SHC4: variants seen among roughly 807,000 people sequenced by gnomAD.
SHC4 encodes the protein SHC adaptor protein 4.
A neutral mutation model predicts 69.4 loss-of-function variants in SHC4; 41 were observed. The ratio of observed to expected loss-of-function variants is 0.59; its 90% confidence interval spans 0.46 to 0.77. The LOEUF is 0.77. Among genes scored for constraint, SHC4 ranks in the 30% least tolerant of loss-of-function variants. The pLI, the probability that SHC4 is intolerant of heterozygous loss-of-function variation, is 0.00. For synonymous variants in SHC4, 318 were observed against 299.3 expected (o/e 1.06, Z -0.64); for missense variants, 777 against 783.8 (o/e 0.99, Z 0.10).
chr15:48,824,986 T>C lies in SHC4; in HGVS notation c.*985A>G, dbSNP rs944857482. On this transcript the variant is annotated 3_prime_UTR_variant, in exon 12 of 12. Transcript: ENST00000332408. ...ATCTATACGAGGTGCTAAGGATATA[T>C]GTAGGTGAGAAACTATGATTCAGTG... The C allele has an allele frequency of 6.6e-6, 1 of 152,560 alleles. No individual in the cohort carries two copies. Among genetic ancestry groups the C allele is most frequent in the African/African-American group, 2.4e-5 (1 of 41,436 alleles). 9.5% of individuals were successfully genotyped at this position (152,560 alleles called of 1,614,324 possible).
chr15:48,825,146 G>GGTTTTTTTT lies in SHC4; in HGVS notation c.*816_*824dup, dbSNP rs745759510. 2 of 151,172 alleles carry GGTTTTTTTT rather than the reference G, an allele frequency of 1.3e-5. No individual in the cohort carries two copies. Among genetic ancestry groups the GGTTTTTTTT allele is most frequent in the African/African-American group, 4.9e-5 (2 of 40,918 alleles). 9.4% of individuals were successfully genotyped at this position (151,172 alleles called of 1,614,324 possible). The stretch of plus-strand genomic sequence containing the variant: ...CTCTTTTAAATCCATGCACTCATGA[G>GGTTTTTTTT]GTTTTTTTTGTTTTTTTTGTTTTTT... On this transcript the variant is annotated 3_prime_UTR_variant, in exon 12 of 12. Coordinates refer to ENST00000332408, the MANE Select transcript of SHC4 (RefSeq NM_203349.4).
rs1301791421 is a variant in SHC4, at chr15:48,889,981, T to C, written c.720+767A>G. Among the ~76,000 whole-genome samples, 4 of 152,284 alleles carry C rather than the reference T, an allele frequency of 2.6e-5. No homozygotes were observed. In the East Asian group the frequency reaches 7.7e-4, roughly 29 times the overall value. ...AACCAACAAAATATTCTAGGGCTCA[T>C]AGCTTAATAGCAATAATACTAGCTA... On this transcript the variant is annotated intron_variant, in intron 3 of 11. Coordinates refer to ENST00000332408, the MANE Select transcript of SHC4 (RefSeq NM_203349.4).
intron 5 of SHC4, among the ~76,000 whole-genome samples, chr15:48,871,065 T>C (rs1371011775): frequency 4.6e-5 from 7 of 152,270 alleles, no homozygotes; most frequent in African/African-American, 1.4e-4. Flanking sequence ...TGACTCTACA[T>C]TTTATTCCTC....
chr15:48,923,076 A>G (rs35902371), intron 2 of SHC4, among the ~76,000 whole-genome samples: 20,709 of 152,226 alleles, frequency 0.14, 1,922 homozygotes, highest in Non-Finnish European at 0.2. Flanking sequence ...AGGATTATAT[A>G]ATATGTTTGA....
At position 48,916,570 on chromosome 15, in the gene SHC4, A is replaced by AC. The variant is rs1310999274; in HGVS notation, c.656+8308_656+8309insG. The stretch of plus-strand genomic sequence containing the variant: ...CTATAGCATCAGTTCAAAAAAAAAA[A>AC]AAAACACTACTCAGGGTTTCTTCCT... On this transcript the variant is annotated intron_variant, in intron 2 of 11. Coordinates refer to ENST00000332408, the MANE Select transcript of SHC4 (RefSeq NM_203349.4). Among the ~76,000 whole-genome samples, 28 of 151,692 alleles carry AC rather than the reference A, an allele frequency of 1.8e-4. 1 individual carries two copies. The highest frequency in any genetic ancestry group is 1.1e-3 in the Admixed American group (16 of 15,228).
intron 7 of SHC4, 26 bp from the exon 8 acceptor site, chr15:48,856,150 G>A (rs781748442): frequency 1.3e-5 from 21 of 1,596,316 alleles, no homozygotes; most frequent in Non-Finnish European, 1.8e-5. Context: ...GAATCCTCAA[G>A]AGGCTGGGCG....
intron 10 of SHC4, among the ~76,000 whole-genome samples, chr15:48,836,068 C>T (rs1042953086): frequency 6.7e-6 from 1 of 150,202 alleles, no homozygotes; most frequent in Non-Finnish European, 1.5e-5. Context: ...TGGCACGTGC[C>T]TGCAGTCCCA....
Position 48,876,197 on chromosome 15 carries a change from A to C in SHC4, c.841-4055T>G, listed in dbSNP as rs375007846. On this transcript the variant is annotated intron_variant, in intron 4 of 11. Coordinates refer to ENST00000332408, the MANE Select transcript of SHC4 (RefSeq NM_203349.4). ...CTCTGTCACTTCAGGGACGAACAACAACTGTGTTCAACTTGGCAGATAAGG... is the reference window on the plus strand; with the variant it reads ...CTCTGTCACTTCAGGGACGAACAACCACTGTGTTCAACTTGGCAGATAAGG... Among the ~76,000 whole-genome samples the C allele has an allele frequency of 4.5e-4, 69 of 152,296 alleles. No individual in the cohort carries two copies. The South Asian group carries it at 0.013, about 29-fold the overall frequency.
In SHC4 at chr15:48,848,298, T is replaced by C. The variant is rs1567051843; in HGVS notation, c.1303+2890A>G. On this transcript the variant is annotated intron_variant, in intron 9 of 11. Coordinates refer to ENST00000332408, the MANE Select transcript of SHC4 (RefSeq NM_203349.4). ...AGAAATGGCTTTTTTATGGAAACAA[T>C]GTTGTAATTCAGTGATTTACGGGGG... Among the ~76,000 whole-genome samples the C allele has an allele frequency of 2.6e-5, 4 of 152,236 alleles. No homozygotes were observed. In the East Asian group the frequency reaches 7.7e-4, roughly 29 times the overall value.
Position 48,933,450 on chromosome 15 carries a change from C to A in SHC4, c.586-8501G>T, listed in dbSNP as rs573007689. On this transcript the variant is annotated intron_variant, in intron 1 of 11. Transcript: ENST00000332408. ...AAGTGAAATAAATGGAAAAAACATC[C>A]CATGTTCATGGATCAGAAAACTTAA... is the stretch of plus-strand genomic sequence containing the variant. Among the ~76,000 whole-genome samples the A allele has an allele frequency of 2.9e-4, 44 of 152,048 alleles. No homozygotes were observed. In the South Asian group the frequency reaches 7.1e-3, roughly 24 times the overall value.
At chr15:48,935,406 G>A (rs1901048945) in intron 1 of SHC4, among the ~76,000 whole-genome samples, 1 of 152,102 alleles carries the variant, frequency 6.6e-6, no homozygotes, top group Admixed American at 6.6e-5. Flanking sequence ...TCAAGGGCAG[G>A]GAGTGAGTCT....
chr15:48,881,296 A>G (rs1215960232), intron 4 of SHC4, among the ~76,000 whole-genome samples: 1 of 150,456 alleles, frequency 6.6e-6, no homozygotes, highest in South Asian at 2.1e-4. Context: ...CCTTTTTATT[A>G]TTATTTTTTT....
chr15:48,916,943 G>A (rs148388336), intron 2 of SHC4, among the ~76,000 whole-genome samples: 6 of 152,318 alleles, frequency 3.9e-5, no homozygotes, highest in East Asian at 3.9e-4. Flanking sequence ...GGTGTGCTCC[G>A]CCCCTCGGGG....
chr15:48,887,587 T>G (rs1305258762), intron 3 of SHC4, among the ~76,000 whole-genome samples: 4 of 151,818 alleles, frequency 2.6e-5, no homozygotes, highest in Non-Finnish European at 5.9e-5. Flanking sequence ...AAACCTAACA[T>G]TGTAACTTAA....
At chr15:48,904,606 A>G (rs1343097344) in intron 2 of SHC4, among the ~76,000 whole-genome samples, 2 of 152,118 alleles carry the variant, frequency 1.3e-5, no homozygotes, top group African/African-American at 4.8e-5. Flanking sequence ...GGCTGGGCAC[A>G]GTGGCTCACA....
chr15:48,936,487 T>C (rs1346696252), intron 1 of SHC4, among the ~76,000 whole-genome samples: 4 of 152,130 alleles, frequency 2.6e-5, no homozygotes, highest in South Asian at 2.1e-4. Context: ...CCCCAGCAGA[T>C]GGAGAGAGTC....
At chr15:48,912,466 C>A (rs1900524634) in intron 2 of SHC4, among the ~76,000 whole-genome samples, 2 of 152,178 alleles carry the variant, frequency 1.3e-5, no homozygotes, top group South Asian at 4.1e-4. Flanking sequence ...AAGCTATCTA[C>A]TTCCTTGAAT....
chr15:48,902,202 CAA>C (rs35158653), intron 2 of SHC4, among the ~76,000 whole-genome samples: 48 of 73,416 alleles, frequency 6.5e-4, no homozygotes, highest in East Asian at 4.7e-4. Context: ...GACTGTGTCT[CAA>C]AAAAAAAAAA....
chr15:48,826,616 C>T (rs1304096653), intron 11 of SHC4, among the ~76,000 whole-genome samples: 2 of 152,148 alleles, frequency 1.3e-5, no homozygotes, highest in Non-Finnish European at 1.5e-5. Context: ...AAATGGTAGG[C>T]ACTTGTCACC....
Sources: gnomAD v4.1 joint callset for allele counts (sites outside exome capture counted in the v4.1 genomes callset) on GRCh38, gnomAD v4.1.1 for gene constraint, MANE v1.5 for transcripts, NCBI Gene and HGNC (gene_info 2026-07-23, HGNC 2026-07-21) for gene names.